DAPK1: variants seen among roughly 807,000 people sequenced by gnomAD.
DAPK1 encodes the protein death associated protein kinase 1.
DAPK1 carries 56 observed loss-of-function variants against 144.9 expected under a neutral mutation model. That is an observed-to-expected ratio of 0.39 (90% confidence interval 0.31 to 0.48). The LOEUF is 0.48. Among genes scored for constraint, DAPK1 ranks in the 20% least tolerant of loss-of-function variants. DAPK1 has a pLI of 0.95. For synonymous variants in DAPK1, 690 were observed against 749.0 expected, an observed-to-expected ratio of 0.92 and a Z score of 1.29; for missense variants, 1,454 against 1,875.4, an observed-to-expected ratio of 0.78 and a Z score of 4.15.
rs767405468 is a variant in DAPK1, at chr9:87,706,358, G to A, written c.3287G>A (p.Ser1096Asn). ...DAMDICARDL[S>N]SGTMVDVPAL... ...ATGGACATCTGCGCCCGGGACCTGA[G>A]CAGCGGGACCATGGTGGACGTCCCA... Residue 1096 changes from serine (S) to asparagine (N), a missense_variant, in exon 26 of 26, where the codon AGC (serine) becomes AAC (asparagine). Ser to Asn is a conservative substitution (Grantham distance 46). Coordinates refer to ENST00000408954, the MANE Select transcript of DAPK1 (RefSeq NM_004938.4). The surrounding 1 kb of genome is among the most constrained non-coding windows in gnomAD (Gnocchi z 9.0). The A allele has an allele frequency of 2.5e-5, 40 of 1,608,752 alleles. 1 individual carries two copies. The Middle Eastern group carries it at 1.3e-3, about 53-fold the overall frequency.
At chr9:87,644,384 C>G (rs1445569814) in intron 11 of DAPK1, among the ~76,000 whole-genome samples, 1 of 152,020 alleles carries the variant, frequency 6.6e-6, no homozygotes, top group Non-Finnish European at 1.5e-5. Flanking sequence ...GGGAACTACC[C>G]TGCCCCTTTA....
At chr9:87,529,830 G>A (rs963498268) in intron 2 of DAPK1, among the ~76,000 whole-genome samples, 3 of 152,218 alleles carry the variant, frequency 2.0e-5, no homozygotes, top group Admixed American at 6.5e-5. Context: ...GAACAGGTCA[G>A]ACCTGTTCTG....
At chr9:87,540,183 CTTTTTTTT>C (rs33925780) in intron 2 of DAPK1, among the ~76,000 whole-genome samples, 4 of 66,130 alleles carry the variant, frequency 6.0e-5, no homozygotes, top group African/African-American at 1.2e-4. Context: ...TTGTTAATCT[CTTTTTTTT>C]TTTTTTTTTT....
rs763359644 is a variant in DAPK1, at chr9:87,675,848, T to TACACACACACACACACACACACACACAC, written c.2002-5535_2002-5508dup. On this transcript the variant is annotated intron_variant, in intron 19 of 25. Coordinates refer to ENST00000408954, the MANE Select transcript of DAPK1 (RefSeq NM_004938.4). ...TAATACAGGTAAATACATTCTACCC[T>TACACACACACACACACACACACACACAC]ACACACACACACACACACACACACA... 2.6e-4 allele frequency among the ~76,000 whole-genome samples: 31 copies of TACACACACACACACACACACACACACAC among 117,344 alleles called. 2 individuals carry two copies. The highest frequency in any genetic ancestry group is 9.7e-4 in the African/African-American group (26 of 26,764). The allele number at this position is 117,344 out of a possible 152,430, so 77.0% of individuals were successfully genotyped here.
chr9:87,500,672 G>A (rs1824356533), intron 2 of DAPK1, among the ~76,000 whole-genome samples: 1 of 151,920 alleles, frequency 6.6e-6, no homozygotes, highest in Non-Finnish European at 1.5e-5. Flanking sequence ...AGAAAAAGAG[G>A]CCTCCCTGTG....
At chr9:87,511,741 C>T (rs893005085) in intron 2 of DAPK1, among the ~76,000 whole-genome samples, 4 of 149,018 alleles carry the variant, frequency 2.7e-5, no homozygotes, top group Non-Finnish European at 4.4e-5. Flanking sequence ...GATGGAGTCT[C>T]ACTCTGTCAC....
chr9:87,518,116 T>G (rs1177994886), intron 2 of DAPK1, among the ~76,000 whole-genome samples: 7 of 144,528 alleles, frequency 4.8e-5, no homozygotes, highest in South Asian at 4.5e-4. Context: ...TTTTTTTTTT[T>G]TTTTTTTTTT....
rs772785406 is a variant in DAPK1 at position 87,525,343 on chromosome 9, C to T, written c.62+26204C>T. On this transcript the variant is annotated intron_variant, in intron 2 of 25. Transcript: ENST00000408954. Reference sequence around the variant, plus strand: ...TGTACTGGAGCCACCCGCGAAAATTCGGCCAGGGTTCTCGCTCTTGTTGCG... The same window carrying T: ...TGTACTGGAGCCACCCGCGAAAATTTGGCCAGGGTTCTCGCTCTTGTTGCG... The T allele has an allele frequency of 1.9e-5, 30 of 1,610,870 alleles. No homozygotes were observed. The East Asian group carries it at 2.2e-4, about 12-fold the overall frequency.
chr9:87,662,096 A>C (rs193139548), intron 18 of DAPK1, among the ~76,000 whole-genome samples: 44 of 152,254 alleles, frequency 2.9e-4, no homozygotes, highest in Non-Finnish European at 5.0e-4. Context: ...TTTCCAGTGT[A>C]TGTTCTTATC....
intron 2 of DAPK1, among the ~76,000 whole-genome samples, chr9:87,555,708 G>T (rs1303555762): frequency 6.6e-6 from 1 of 152,110 alleles, no homozygotes; most frequent in African/African-American, 2.4e-5. Context: ...TCTCCATGTT[G>T]GTCAGGCTGG....
intron 19 of DAPK1, 72 bp from the exon 20 acceptor site, chr9:87,681,332 G>T: frequency 1.2e-6 from 1 of 826,712 alleles, no homozygotes; most frequent in Non-Finnish European, 2.0e-6. Flanking sequence ...GCACACCGGG[G>T]ATTAGGAATC....
At chr9:87,546,074 T>C (rs1437173119) in intron 2 of DAPK1, among the ~76,000 whole-genome samples, 2 of 152,138 alleles carry the variant, frequency 1.3e-5, no homozygotes, top group African/African-American at 4.8e-5. Flanking sequence ...GGCTGGGAAG[T>C]TGATTTTCAG....
intron 2 of DAPK1, chr9:87,525,309 A>G (rs1202473545): frequency 2.9e-5 from 46 of 1,608,246 alleles, no homozygotes; most frequent in Non-Finnish European, 3.6e-5. Flanking sequence ...AAGATGGGTC[A>G]CCAGCAGCTG....
At chr9:87,661,810 T>A (rs1830857097) in intron 18 of DAPK1, among the ~76,000 whole-genome samples, 1 of 152,238 alleles carries the variant, frequency 6.6e-6, no homozygotes, top group Non-Finnish European at 1.5e-5. Flanking sequence ...TTTCTTTTGC[T>A]GTGCAGAAGC....
At position 87,686,949 on chromosome 9, in the gene DAPK1, A is replaced by G; in HGVS notation, c.2413+210A>G. On this transcript the variant is annotated intron_variant, in intron 21 of 25. Coordinates refer to ENST00000408954, the MANE Select transcript of DAPK1 (RefSeq NM_004938.4). The surrounding 1 kb of genome is among the most constrained non-coding windows in gnomAD (Gnocchi z 4.2). ...AAACACTGGGGTATTGTCAGCGCCT[A>G]GTAAAGCACTTGGCATACAGTAAGT... 6.1e-6 allele frequency: 4 copies of G among 659,944 alleles called. No homozygotes were observed. Among genetic ancestry groups the G allele is most frequent in the Non-Finnish European group, 7.5e-6 (4 of 532,446 alleles). 40.9% of individuals were successfully genotyped at this position (659,944 alleles called of 1,614,324 possible).
chr9:87,568,603 T>C (rs895979261), intron 2 of DAPK1, among the ~76,000 whole-genome samples: 2 of 152,294 alleles, frequency 1.3e-5, no homozygotes, highest in African/African-American at 4.8e-5. Flanking sequence ...GCAGTGTGGG[T>C]GGCGTCACCT....
At chr9:87,527,579 A>T (rs969006127) in intron 2 of DAPK1, among the ~76,000 whole-genome samples, 1 of 152,344 alleles carries the variant, frequency 6.6e-6, no homozygotes, top group South Asian at 2.1e-4. Context: ...CTCTGCATCT[A>T]GGTCTATCAG....
At chr9:87,624,896 TA>T (rs1266114400) in intron 3 of DAPK1, among the ~76,000 whole-genome samples, 1 of 152,238 alleles carries the variant, frequency 6.6e-6, no homozygotes, top group Non-Finnish European at 1.5e-5. Context: ...GAGCATGTGA[TA>T]ACCATCTTCA....
chr9:87,556,500 C>T (rs7038971), intron 2 of DAPK1, among the ~76,000 whole-genome samples: 18,084 of 152,236 alleles, frequency 0.12, 1,375 homozygotes, highest in Admixed American at 0.16. Context: ...GGTTAGTATT[C>T]TGGCCACATC....
Sources: gnomAD v4.1 joint callset for allele counts (sites outside exome capture counted in the v4.1 genomes callset) on GRCh38, gnomAD v4.1.1 for gene constraint, Gnocchi (gnomAD v3.1) non-coding constraint, MANE v1.5 for transcripts, NCBI Gene and HGNC (gene_info 2026-07-23, HGNC 2026-07-21) for gene names.